CDH24: variants seen among roughly 807,000 people sequenced by gnomAD.
The protein encoded by CDH24 is cadherin-24.
A neutral mutation model predicts 71.2 loss-of-function variants in CDH24; 61 were observed. The ratio of observed to expected loss-of-function variants is 0.86; its 90% CI spans 0.70 to 1.06. The LOEUF (loss-of-function observed/expected upper bound fraction) is 1.06. Ranked by LOEUF, CDH24 falls within the 50% of genes least tolerant of loss-of-function variation. The probability of loss-of-function intolerance (pLI) is 0.00; values close to 1 mark genes in which losing one functional copy is unlikely to be tolerated. For missense variants in CDH24, 961 were observed against 1,083.7 expected (o/e 0.89, Z 1.59); for synonymous variants, 440 against 470.2 (o/e 0.94, Z 0.83).
chr14:23,047,996 T>G lies in CDH24; in HGVS notation c.2330A>C (p.Glu777Ala). The change falls in exon 12 of 13, where the codon GAG (glutamate) becomes GCG (alanine). Residue 777 changes from glutamate to alanine, a missense_variant. Transcript: ENST00000487137. ...RTLAELYGAKEPPAP is the reference protein window; with the variant it reads ...RTLAELYGAKAPPAP ...CCCGGGCGCTCAGGGGGCCGGGGGC[T>G]CCTTGGCCCCATACAGCTCGGCCAG... 1 of 1,373,196 alleles carries G rather than the reference T, an allele frequency of 7.3e-7. No individual in the cohort carries two copies. Among genetic ancestry groups the G allele is most frequent in the Non-Finnish European group, 9.4e-7 (1 of 1,067,182 alleles). 85.1% of individuals were successfully genotyped at this position (1,373,196 alleles called of 1,614,324 possible). A position where few individuals can be genotyped will look rare whatever the true frequency, so the allele number is the denominator to read the frequency against.
In CDH24 at chr14:23,052,518, C is replaced by A; in HGVS notation, c.1318G>T (p.Glu440Ter). The A allele has an allele frequency of 3.7e-6, 6 of 1,614,046 alleles. No individual in the cohort carries two copies. Among genetic ancestry groups the A allele is most frequent in the Non-Finnish European group, 1.7e-6 (2 of 1,179,986 alleles). ...TIHTAAPLDR[E>*]ARAWHNLTVL... ...GTGAGGTTGTGCCAGGCGCGAGCCT[C>A]GCGATCCAGGGGTGCTGCTGTATGG... The change falls in exon 8 of 13, where the codon GAG becomes TAG. Residue 440 changes from glutamate (E) to a stop codon, truncating the protein, a stop_gained. Transcript: ENST00000487137. LOFTEE classifies it high-confidence loss of function.
chr14:23,054,931 G>C lies in CDH24; in HGVS notation c.497-65C>G, dbSNP rs1038483580. 132 of 1,603,876 alleles carry C rather than the reference G, an allele frequency of 8.2e-5. No homozygotes were observed. The highest frequency in any genetic ancestry group is 9.4e-5 in the Non-Finnish European group (110 of 1,175,110). ...AAGGATGGGGAAGAACAACCGATGG[G>C]GGGGGATGCAGATACGAGGGAGGCT... On this transcript the variant is annotated intron_variant, in intron 3 of 12. Coordinates refer to ENST00000487137, the MANE Select transcript of CDH24 (RefSeq NM_144985.4). This position sits in a 1 kb window ranked among gnomAD's most constrained non-coding sequence, Gnocchi z 5.2.
At chr14:23,050,871 GC>G (rs2047081066) in intron 8 of CDH24, among the ~76,000 whole-genome samples, 2 of 152,228 alleles carry the variant, frequency 1.3e-5, no homozygotes, top group African/African-American at 2.4e-5. Flanking sequence ...GGCAGGGGAG[GC>G]TGAGTGGATC....
In CDH24 at chr14:23,057,221, C is replaced by T. The variant is rs952437427; in HGVS notation, c.-125+182G>A. ...CAGAGAAGGAAGGGTGAAGAGAAAT[C>T]GAGAGAAGAAAGAGGGAGAGAGGTG... is the stretch of plus-strand genomic sequence containing the variant. On this transcript the variant is annotated intron_variant, in intron 1 of 12. Transcript: ENST00000487137. This position sits in a 1 kb window ranked among gnomAD's most constrained non-coding sequence, Gnocchi z 5.4. Among the ~76,000 whole-genome samples the T allele has an allele frequency of 4.6e-5, 7 of 151,704 alleles. No homozygotes were observed. Among genetic ancestry groups the T allele is most frequent in the African/African-American group, 1.7e-4 (7 of 41,294 alleles).
Position 23,052,591 on chromosome 14 carries a change from G to A in CDH24, c.1245C>T (p.His415=), listed in dbSNP as rs775747588. The stretch of plus-strand genomic sequence containing the variant: ...TAGAGAAGCAACGCTCCGGATCTGA[G>A]TGGGGGAGGATGGAGTATCTGGGGA... ...ASPIRYSILP[H]SDPERCFSIQ... The change falls in exon 8 of 13, where the codon CAC becomes CAT. Residue 415 remains histidine (H), a synonymous_variant. Transcript: ENST00000487137. 3 of 1,613,948 alleles carry A rather than the reference G, an allele frequency of 1.9e-6. No homozygotes were observed. The Admixed American group carries it at 5.0e-5, about 27-fold the overall frequency.
At chr14:23,052,645 G>A in intron 7 of CDH24, 36 bp from the exon 8 acceptor site, 1 of 1,606,840 alleles carries the variant, frequency 6.2e-7, no homozygotes, top group Non-Finnish European at 8.5e-7. Flanking sequence ...GCTGATCTGG[G>A]GCGGGACCAC....
Position 23,055,102 on chromosome 14 carries a change from G to T in CDH24, c.453C>A (p.Pro151=), listed in dbSNP as rs140243541. ...QDINDNPPIF[P]LGPYHATVPE... is the part of the protein sequence containing the mutation. ...GCACGGTGGCATGGTAGGGCCCAAG[G>T]GGAAAAATGGGTGGATTGTCGTTGA... is the stretch of plus-strand genomic sequence containing the variant. Residue 151 remains proline (P), a synonymous_variant, in exon 3 of 13, where the codon CCC becomes CCA. Transcript: ENST00000487137. The surrounding 1 kb of genome is among the most constrained non-coding windows in gnomAD (Gnocchi z 4.1). 1 of 1,613,842 alleles carries T rather than the reference G, an allele frequency of 6.2e-7. No individual in the cohort carries two copies. Among genetic ancestry groups the T allele is most frequent in the East Asian group, 2.2e-5 (1 of 44,874 alleles).
chr14:23,049,557 G>T, intron 10 of CDH24, 70 bp downstream of exon 10: 1 of 959,722 alleles, frequency 1.0e-6, no homozygotes, highest in South Asian at 1.6e-5. Context: ...CAGGCAGGCT[G>T]GGCTAGGGGT....
intron 6 of CDH24, 36 bp from the exon 7 acceptor site, chr14:23,053,785 G>T (rs1405213784): frequency 6.4e-7 from 1 of 1,566,310 alleles, no homozygotes. Context: ...AGTGAGGCAT[G>T]TGGAAACCAG....
chr14:23,052,302 AGATCCAGGCTAGGACTTG>A (rs552434777), intron 8 of CDH24, 153 bp downstream of exon 8: 307 of 815,348 alleles, frequency 3.8e-4, no homozygotes, highest in Non-Finnish European at 5.3e-4. Flanking sequence ...GCTAGGACCC[AGATCCAGGCTAGGACTTG>A]GATCCAGGCT....
intron 10 of CDH24, 145 bp downstream of exon 10, chr14:23,049,482 C>A (rs868393654): frequency 1.5e-6 from 1 of 681,004 alleles, no homozygotes. Flanking sequence ...AAAGAGCCAA[C>A]GAATGAGTAC....
In CDH24 at chr14:23,049,851, A is replaced by C; in HGVS notation, c.1456T>G (p.Phe486Val). The C allele has an allele frequency of 1.2e-6, 2 of 1,613,926 alleles. No homozygotes were observed. The highest frequency in any genetic ancestry group is 1.7e-6 in the Non-Finnish European group (2 of 1,179,962). ...CCAGGAGCTGCAGAGTCACACACAA[A>C]AGTATCGTAGGGCTCAGCCAGCTGG... is the stretch of plus-strand genomic sequence containing the variant. ...APQLAEPYDTFVCDSAAPGQL... is the reference protein window; with the variant it reads ...APQLAEPYDTVVCDSAAPGQL... The change falls in exon 9 of 13, where the codon TTT (phenylalanine) becomes GTT (valine). Residue 486 changes from phenylalanine to valine, a missense_variant. By Grantham distance (50) the Phe-to-Val change is conservative. This residue lies in a region of CDH24 where 671 missense variants were observed against 810.9 expected (regional missense o/e 0.83). Transcript: ENST00000487137.
chr14:23,047,951 C>CG lies in CDH24; in HGVS notation c.*28_*29insC, dbSNP rs2047052917. 3 of 1,291,940 alleles carry CG rather than the reference C, an allele frequency of 2.3e-6. No individual in the cohort carries two copies. The highest frequency in any genetic ancestry group is 3.3e-5 in the East Asian group (1 of 30,544). The allele number at this position is 1,291,940 out of a possible 1,614,324, so 80.0% of individuals were successfully genotyped here. A position where few individuals can be genotyped will look rare whatever the true frequency, so the allele number is the denominator to read the frequency against. Reference sequence around the variant, plus strand: ...GAGGGCCTGTGCCCGCTGCCCCCCCCCCGCGGTGGGCCGGGCCAGCCCGGG... The same window carrying CG: ...GAGGGCCTGTGCCCGCTGCCCCCCCCGCCGCGGTGGGCCGGGCCAGCCCGGG... On this transcript the variant is annotated 3_prime_UTR_variant, in exon 12 of 13. Coordinates refer to ENST00000487137, the MANE Select transcript of CDH24 (RefSeq NM_144985.4).
In CDH24 at chr14:23,047,733, A is replaced by C; in HGVS notation, c.*247T>G. 1 of 335,124 alleles carries C rather than the reference A, an allele frequency of 3.0e-6. No homozygotes were observed. 20.8% of individuals were successfully genotyped at this position (335,124 alleles called of 1,614,324 possible). On this transcript the variant is annotated 3_prime_UTR_variant, in exon 12 of 13. Coordinates refer to ENST00000487137, the MANE Select transcript of CDH24 (RefSeq NM_144985.4). The stretch of plus-strand genomic sequence containing the variant: ...TCGCAGGGCCAGGGCCAGGGCAGGA[A>C]ACCCAGGCCCGGACAGAGGAGCGTG...
At chr14:23,048,575 C>A (rs1174022275) in intron 11 of CDH24, 96 bp from the exon 12 acceptor site, 1 of 1,296,850 alleles carries the variant, frequency 7.7e-7, no homozygotes, top group Non-Finnish European at 1.1e-6. Flanking sequence ...GTGACAGAAG[C>A]CCTGTGCTTA....
rs1282190480 is a variant in CDH24 at position 23,054,234 on chromosome 14, C to T, written c.879G>A (p.Leu293=). 5 of 1,613,776 alleles carry T rather than the reference C, an allele frequency of 3.1e-6. No homozygotes were observed. The South Asian group carries it at 4.4e-5, about 14-fold the overall frequency. ...AQDPDLGDNA[L]MAYSILDGEG... is the part of the protein sequence containing the mutation. ...CCCCATCCAGGATGCTGTATGCCAT[C>T]AGGGCGTTGTCCCCCAGGTCTGGGT... The change falls in exon 6 of 13, where the codon CTG becomes CTA. Residue 293 remains leucine (L), a synonymous_variant. Transcript: ENST00000487137. The surrounding 1 kb of genome is among the most constrained non-coding windows in gnomAD (Gnocchi z 5.2).
At position 23,048,189 on chromosome 14, in the gene CDH24, C is replaced by A; in HGVS notation, c.2137G>T (p.Ala713Ser). 1 of 1,334,414 alleles carries A rather than the reference C, an allele frequency of 7.5e-7. No homozygotes were observed. Among genetic ancestry groups the A allele is most frequent in the Non-Finnish European group, 9.6e-7 (1 of 1,038,428 alleles). 82.7% of individuals were successfully genotyped at this position (1,334,414 alleles called of 1,614,324 possible). Residue 713 changes from alanine (A) to serine (S), a missense_variant, in exon 12 of 13, where the codon GCG (alanine) becomes TCG (serine). Ala to Ser is a moderately conservative substitution (Grantham distance 99). This residue lies in a region of CDH24 where 290 missense variants were observed against 272.8 expected (regional missense o/e 1.06). Coordinates refer to ENST00000487137, the MANE Select transcript of CDH24 (RefSeq NM_144985.4). ...AQLLALRLRE[A>S]DEDPGVPPYD... ...GGGGGTACGCCGGGGTCCTCGTCCG[C>A]CTCGCGGAGCCGCAGCGCCAGGAGC...
Position 23,047,695 on chromosome 14 carries a change from T to G in CDH24, c.*285A>C. 3.4e-6 allele frequency: 1 copy of G among 296,874 alleles called. No individual in the cohort carries two copies. Among genetic ancestry groups the G allele is most frequent in the Non-Finnish European group, 6.2e-6 (1 of 160,908 alleles). The allele number at this position is 296,874 out of a possible 1,614,324, so 18.4% of individuals were successfully genotyped here. On this transcript the variant is annotated 3_prime_UTR_variant, in exon 12 of 13. Coordinates refer to ENST00000487137, the MANE Select transcript of CDH24 (RefSeq NM_144985.4). ...AAACGCCACGGAGGAAGGAGAGGAA[T>G]CACAGTGAGAGATCGCAGGGCCAGG...
rs556707545 is a variant in CDH24, at chr14:23,054,930, G to A, written c.497-64C>T. On this transcript the variant is annotated intron_variant, in intron 3 of 12. Transcript: ENST00000487137. The surrounding 1 kb of genome is among the most constrained non-coding windows in gnomAD (Gnocchi z 5.2). The stretch of plus-strand genomic sequence containing the variant: ...GAAGGATGGGGAAGAACAACCGATG[G>A]GGGGGGATGCAGATACGAGGGAGGC... The A allele has an allele frequency of 2.7e-5, 44 of 1,604,028 alleles. No homozygotes were observed. Among genetic ancestry groups the A allele is most frequent in the Non-Finnish European group, 3.7e-5 (44 of 1,175,148 alleles).
Sources: gnomAD v4.1 joint callset for allele counts (sites outside exome capture counted in the v4.1 genomes callset) on GRCh38, gnomAD v4.1.1 for gene constraint, gnomAD v4.1.1 regional missense constraint, Gnocchi (gnomAD v3.1) non-coding constraint, MANE v1.5 for transcripts, NCBI Gene and HGNC (gene_info 2026-07-23, HGNC 2026-07-21) for gene names.